The following MED16 variants were observed in gnomAD, a reference collection of about 807,000 sequenced individuals.
MED16 encodes the protein mediator complex subunit 16.
Under a neutral mutation model 84.4 loss-of-function variants are expected in MED16, and 81 were observed. The observed-to-expected ratio is 0.96, with a 90% CI of 0.80 to 1.15. MED16 has a LOEUF of 1.15. Among genes scored for constraint, MED16 ranks in the 50% most tolerant of loss-of-function variants. The pLI, the probability that MED16 is intolerant of heterozygous loss-of-function variation, is 0.00. For missense variants in MED16, 1,585 were observed against 1,245.9 expected (o/e 1.27, Z -4.10); for synonymous variants, 897 against 552.2 (o/e 1.62, Z -8.76).
At chr19:876,693 C>G (rs981463389) in intron 9 of MED16, among the ~76,000 whole-genome samples, 1 of 152,076 alleles carries the variant, frequency 6.6e-6, no homozygotes, top group African/African-American at 2.4e-5. Context: ...AGCCCCCAAC[C>G]TGCCGCAGGG....
rs201908083 is a variant in MED16 at position 868,269 on chromosome 19, G to A, written c.2484-18C>T. The A allele has an allele frequency of 7.4e-4, 1,181 of 1,591,030 alleles. 14 individuals carry two copies. Among genetic ancestry groups the A allele is most frequent in the South Asian group, 5.5e-4 (49 of 88,988 alleles). On this transcript the variant is annotated intron_variant, in intron 15 of 15. Transcript: ENST00000325464. ...CAACAGCCCTGCAGGGCGGGCTGAG[G>A]TTAACCGCGCCGAGGAGAGTCCAGG... is the stretch of plus-strand genomic sequence containing the variant.
At chr19:889,832 G>T in intron 3 of MED16, 25 bp from the exon 4 acceptor site, 1 of 1,595,322 alleles carries the variant, frequency 6.3e-7, no homozygotes. Flanking sequence ...CCATCATTGC[G>T]AACCTTCCAG....
chr19:871,418 G>A (rs914406136), intron 12 of MED16, among the ~76,000 whole-genome samples, 165 bp from the exon 13 acceptor site: 3 of 152,024 alleles, frequency 2.0e-5, no homozygotes, highest in African/African-American at 7.2e-5. Context: ...CGGGGCCCCG[G>A]CTCTGCCTGC....
chr19:891,790 A>G (rs1208303399), intron 1 of MED16, among the ~76,000 whole-genome samples: 1 of 77,580 alleles, frequency 1.3e-5, no homozygotes, highest in Non-Finnish European at 2.4e-5. Context: ...GACGGGGAAC[A>G]CCTGTGGCCG....
chr19:870,751 G>A (rs1328706300), intron 13 of MED16, among the ~76,000 whole-genome samples: 1 of 150,770 alleles, frequency 6.6e-6, no homozygotes, highest in African/African-American at 2.4e-5. Context: ...GGGGGTCCTG[G>A]GGCAGGACAT....
intron 12 of MED16, chr19:871,639 C>T: frequency 1.3e-6 from 2 of 1,593,874 alleles, no homozygotes; most frequent in Non-Finnish European, 1.7e-6. Flanking sequence ...AGCACCCACA[C>T]AGAGCATGGA....
At chr19:869,120 G>T (rs1323143379) in intron 13 of MED16, among the ~76,000 whole-genome samples, 174 bp from the exon 14 acceptor site, 2 of 152,114 alleles carry the variant, frequency 1.3e-5, no homozygotes, top group East Asian at 3.8e-4. Flanking sequence ...CCTGAGACAG[G>T]CCCAGTAAAG....
chr19:877,470 G>A (rs1333858550), intron 8 of MED16, among the ~76,000 whole-genome samples: 1 of 148,486 alleles, frequency 6.7e-6, no homozygotes, highest in Non-Finnish European at 1.5e-5. Context: ...GTGAAAGGCG[G>A]TCCTCTCAAC....
intron 10 of MED16, among the ~76,000 whole-genome samples, chr19:874,620 C>T (rs181989679): frequency 5.9e-5 from 9 of 152,276 alleles, no homozygotes; most frequent in African/African-American, 1.7e-4. Context: ...GGCCTGGGAG[C>T]GTCTCAGCCC....
rs745890169 is a variant in MED16 at position 868,284 on chromosome 19, G to A, written c.2484-33C>T. 46 of 1,589,192 alleles carry A rather than the reference G, an allele frequency of 2.9e-5. No individual in the cohort carries two copies. The Admixed American group carries it at 6.8e-4, about 23-fold the overall frequency. ...GCGGGCTGAGGTTAACCGCGCCGAG[G>A]AGAGTCCAGGGCGAGCGGTGGCTCT... On this transcript the variant is annotated intron_variant, in intron 15 of 15. Coordinates refer to ENST00000325464, the MANE Select transcript of MED16 (RefSeq NM_005481.3).
Position 873,454 on chromosome 19 carries a change from T to C in MED16, c.1900A>G (p.Asn634Asp). 6.2e-7 allele frequency: 1 copy of C among 1,608,012 alleles called. No homozygotes were observed. Among genetic ancestry groups the C allele is most frequent in the East Asian group, 2.2e-5 (1 of 44,820 alleles). Residue 634 changes from asparagine (N) to aspartate (D), a missense_variant, in exon 11 of 16, where the codon AAC becomes GAC. Transcript: ENST00000325464. ...FVLYLLASLP[N>D]QGSLLRPGHS... ...TAGGGGAGAGCATGGCGCACCTGGT[T>C]GGGTAGGCTGGCCAGCAGGTACAGC...
At chr19:871,725 G>C in intron 12 of MED16, 1 of 1,123,494 alleles carries the variant, frequency 8.9e-7, no homozygotes, top group Non-Finnish European at 1.3e-6. Context: ...TGTTCTGGCG[G>C]GGGGCTCAGG....
At chr19:872,700 G>A (rs1187803217) in intron 11 of MED16, among the ~76,000 whole-genome samples, 1 of 151,794 alleles carries the variant, frequency 6.6e-6, no homozygotes, top group Middle Eastern at 3.2e-3. Flanking sequence ...CGCACAAGCC[G>A]CAGAACTGAA....
At chr19:875,522 GAGA>G in intron 9 of MED16, 68 bp from the exon 10 acceptor site, 1 of 1,315,264 alleles carries the variant, frequency 7.6e-7, no homozygotes, top group Non-Finnish European at 1.0e-6. Context: ...TCCAGCTGAG[GAGA>G]AGAGCAGTTC....
intron 13 of MED16, 129 bp downstream of exon 13, chr19:870,908 G>A (rs1293554993): frequency 7.7e-6 from 7 of 914,454 alleles, no homozygotes; most frequent in African/African-American, 1.7e-5. Context: ...TGGAGGCGGG[G>A]AGCCGTGTGG....
rs1037440613 is a variant in MED16 at position 871,201 on chromosome 19, G to A, written c.2151C>T (p.Cys717=). 3.2e-6 allele frequency: 5 copies of A among 1,550,446 alleles called. No homozygotes were observed. Among genetic ancestry groups the A allele is most frequent in the Non-Finnish European group, 4.4e-6 (5 of 1,146,754 alleles). ...TAAGCAGCTGGCTGGGCAGCAGGCA[G>A]CATTCATCCACCAGCGCCTCGTCCG... The part of the protein sequence containing the change: ...SEPDEALVDE[C]CLLPSQLLIP... Residue 717 remains cysteine (C), a synonymous_variant, in exon 13 of 16, where the codon TGC becomes TGT. Coordinates refer to ENST00000325464, the MANE Select transcript of MED16 (RefSeq NM_005481.3).
At chr19:890,563 T>C in intron 2 of MED16, 2 of 372,682 alleles carry the variant, frequency 5.4e-6, no homozygotes, top group Non-Finnish European at 4.9e-6. Context: ...TGTGGTTTTC[T>C]AGTTTTCTCT....
chr19:871,760 A>AGGGGAGC (rs1230801305), intron 12 of MED16, 166 bp downstream of exon 12: 2 of 256,018 alleles, frequency 7.8e-6, no homozygotes, highest in Non-Finnish European at 1.4e-5. Context: ...TGGTAGGGAG[A>AGGGGAGC]GGGGAGCGGG....
At chr19:885,069 G>A (rs971559913) in intron 5 of MED16, 61 bp from the exon 6 acceptor site, 47 of 1,359,190 alleles carry the variant, frequency 3.5e-5, no homozygotes, top group African/African-American at 1.0e-4. Flanking sequence ...CGCCACCACC[G>A]GAGCCTGAGC....
Sources: allele counts gnomAD v4.1 joint callset (sites outside exome capture counted in the v4.1 genomes callset), GRCh38; gene constraint gnomAD v4.1.1; transcripts MANE v1.5; gene names NCBI Gene and HGNC (gene_info 2026-07-23, HGNC 2026-07-21).